Variants in FSIP1 observed in about 807,000 individuals in gnomAD.
FSIP1 encodes the protein fibrous sheath-interacting protein 1.
FSIP1 carries 65 observed loss-of-function variants against 60.9 expected under a neutral mutation model. The ratio of observed to expected loss-of-function variants is 1.07; its 90% CI spans 0.87 to 1.31. The LOEUF (loss-of-function observed/expected upper bound fraction) is 1.31, where lower values mean the gene tolerates loss of function less well. Among genes scored for constraint, FSIP1 ranks in the 40% most tolerant of loss-of-function variants. FSIP1 has a pLI of 0.00. For synonymous variants in FSIP1, 209 were observed against 221.2 expected, an observed-to-expected ratio of 0.94 and a Z score of 0.49; for missense variants, 675 against 665.5, an observed-to-expected ratio of 1.01 and a Z score of -0.16.
intron 10 of FSIP1, among the ~76,000 whole-genome samples, chr15:39,701,509 C>G (rs1325194867): frequency 6.6e-6 from 1 of 151,954 alleles, no homozygotes; most frequent in Non-Finnish European, 1.5e-5. Context: ...AGGGATGGTG[C>G]AAAGCTTTAA....
At chr15:39,727,986 C>A (rs1394908670) in intron 8 of FSIP1, among the ~76,000 whole-genome samples, 1 of 152,096 alleles carries the variant, frequency 6.6e-6, no homozygotes, top group African/African-American at 2.4e-5. Flanking sequence ...TTTCTATATA[C>A]CAGCAACACC....
At chr15:39,699,724 C>CT (rs1894980277) in intron 10 of FSIP1, among the ~76,000 whole-genome samples, 1 of 152,174 alleles carries the variant, frequency 6.6e-6, no homozygotes, top group Non-Finnish European at 1.5e-5. Context: ...CCTGAGTCAT[C>CT]TGCAAAATTC....
chr15:39,751,332 T>C (rs1430525232), intron 5 of FSIP1, among the ~76,000 whole-genome samples: 2 of 151,898 alleles, frequency 1.3e-5, no homozygotes, highest in African/African-American at 4.8e-5. Flanking sequence ...CCCATGTTTA[T>C]TGCTCCATTA....
In FSIP1 at chr15:39,696,152, G is replaced by T. The variant is rs951374; in HGVS notation, c.1188+17292C>A. 3.5e-3 allele frequency among the ~76,000 whole-genome samples: 531 copies of T among 152,116 alleles called. 3 individuals carry two copies. The highest frequency in any genetic ancestry group is 0.012 in the African/African-American group (507 of 41,510). ...CAAATGACTCCATATGAAAATAAGA[G>T]AGAAAAATAGCACCTTGCAAAACTT... On this transcript the variant is annotated intron_variant, in intron 10 of 11. Transcript: ENST00000350221.
chr15:39,731,128 G>T (rs991764926), intron 8 of FSIP1, among the ~76,000 whole-genome samples: 2 of 152,078 alleles, frequency 1.3e-5, no homozygotes, highest in Non-Finnish European at 2.9e-5. Flanking sequence ...TCAATATAAG[G>T]ATTATGATAT....
chr15:39,764,226 G>A (rs1214642083), intron 4 of FSIP1, among the ~76,000 whole-genome samples: 3 of 152,064 alleles, frequency 2.0e-5, no homozygotes, highest in African/African-American at 7.2e-5. Flanking sequence ...AAAAATTTCA[G>A]ACATTTCAAC....
Position 39,739,808 on chromosome 15 carries a change from A to C in FSIP1, c.656-19T>G. On this transcript the variant is annotated intron_variant, in intron 6 of 11. Transcript: ENST00000350221. The stretch of plus-strand genomic sequence containing the variant: ...GTAAAATCTAATATTAAAAAAGTTC[A>C]AAATTTTTTCATAATTAAAAGTGTC... The C allele has an allele frequency of 4.0e-6, 6 of 1,488,522 alleles. No individual in the cohort carries two copies. Among genetic ancestry groups the C allele is most frequent in the South Asian group, 1.3e-5 (1 of 78,186 alleles). 92.2% of individuals were successfully genotyped at this position (1,488,522 alleles called of 1,614,324 possible).
intron 11 of FSIP1, among the ~76,000 whole-genome samples, chr15:39,605,741 G>A (rs1433380794): frequency 6.6e-6 from 1 of 152,190 alleles, no homozygotes; most frequent in Non-Finnish European, 1.5e-5. Flanking sequence ...GCCTTTTATG[G>A]AAAAATCTCC....
intron 5 of FSIP1, among the ~76,000 whole-genome samples, chr15:39,752,173 T>C (rs992154566): frequency 3.1e-4 from 47 of 152,014 alleles, no homozygotes; most frequent in African/African-American, 1.1e-3. Flanking sequence ...AGTCATAAAA[T>C]CTTTGCCTAG....
intron 8 of FSIP1, among the ~76,000 whole-genome samples, chr15:39,732,619 CAAAAA>C (rs56106819): frequency 8.7e-4 from 70 of 80,128 alleles, no homozygotes; most frequent in South Asian, 2.2e-3. Flanking sequence ...AACTCCATCT[CAAAAA>C]AAAAAAAAAA....
chr15:39,664,288 C>T (rs1893412246), intron 10 of FSIP1, among the ~76,000 whole-genome samples: 1 of 151,984 alleles, frequency 6.6e-6, no homozygotes, highest in African/African-American at 2.4e-5. Context: ...ATTCTTTATG[C>T]TTGAAAAGAA....
chr15:39,647,382 A>T (rs16969491), intron 10 of FSIP1, among the ~76,000 whole-genome samples: 22,150 of 152,184 alleles, frequency 0.15, 1,784 homozygotes, highest in Non-Finnish European at 0.17. Context: ...ATATAATTTT[A>T]AAAAAGTGGT....
intron 9 of FSIP1, among the ~76,000 whole-genome samples, chr15:39,724,615 T>A (rs1157892646): frequency 1.3e-5 from 2 of 152,224 alleles, no homozygotes; most frequent in Admixed American, 1.3e-4. Context: ...TCTGTCTCTT[T>A]TAAGAAGAGA....
chr15:39,663,414 C>T (rs988995688), intron 10 of FSIP1, among the ~76,000 whole-genome samples: 5 of 151,814 alleles, frequency 3.3e-5, no homozygotes, highest in African/African-American at 1.2e-4. Flanking sequence ...ATACAAATAA[C>T]CTCTATATCT....
intron 10 of FSIP1, among the ~76,000 whole-genome samples, chr15:39,680,645 G>T (rs143527534): frequency 6.6e-6 from 1 of 152,028 alleles, no homozygotes; most frequent in Admixed American, 6.5e-5. Flanking sequence ...CTTGGTAACT[G>T]TAGAACCACA....
In FSIP1 at chr15:39,600,899, T is replaced by C; in HGVS notation, c.1727A>G (p.Glu576Gly). Residue 576 changes from glutamate (E) to glycine (G), a missense_variant, in exon 12 of 12, where the codon GAA (glutamate) becomes GGA (glycine). Coordinates refer to ENST00000350221, the MANE Select transcript of FSIP1 (RefSeq NM_152597.5). Reference sequence around the variant, plus strand: ...CCTTGATTAGGGTTCTTTACATTCTTCTGCTGCATCTTTAGTCTCCTGCTC... The same window carrying C: ...CCTTGATTAGGGTTCTTTACATTCTCCTGCTGCATCTTTAGTCTCCTGCTC... ...ADEQETKDAA[E>G]ECKEP The C allele has an allele frequency of 6.2e-7, 1 of 1,611,076 alleles. No individual in the cohort carries two copies. Among genetic ancestry groups the C allele is most frequent in the Non-Finnish European group, 8.5e-7 (1 of 1,179,026 alleles).
chr15:39,709,545 T>A (rs546154120), intron 10 of FSIP1, among the ~76,000 whole-genome samples: 6 of 152,296 alleles, frequency 3.9e-5, no homozygotes, highest in Admixed American at 3.3e-4. Context: ...CAAAAATAAG[T>A]GTGCCAAGAA....
intron 10 of FSIP1, among the ~76,000 whole-genome samples, chr15:39,649,613 C>A (rs1892782161): frequency 6.6e-6 from 1 of 152,148 alleles, no homozygotes; most frequent in Non-Finnish European, 1.5e-5. Flanking sequence ...AGGCTCCTTG[C>A]TCTTCACTGT....
intron 5 of FSIP1, among the ~76,000 whole-genome samples, chr15:39,755,955 A>G (rs1308230235): frequency 6.6e-6 from 1 of 152,074 alleles, no homozygotes; most frequent in Non-Finnish European, 1.5e-5. Context: ...ACTCCTGGCG[A>G]TGTAAAAGAG....
Sources: allele counts gnomAD v4.1 joint callset (sites outside exome capture counted in the v4.1 genomes callset), GRCh38; gene constraint gnomAD v4.1.1; transcripts MANE v1.5; gene names NCBI Gene and HGNC (gene_info 2026-07-23, HGNC 2026-07-21).